Variants in DCC observed in about 807,000 individuals in gnomAD.
DCC encodes the protein netrin receptor DCC.
Under a neutral mutation model 172.5 loss-of-function variants are expected in DCC, and 58 were observed. That is an observed-to-expected ratio of 0.34 (90% confidence interval 0.27 to 0.42). DCC has a LOEUF of 0.42. Among genes scored for constraint, DCC ranks in the 10% least tolerant of loss-of-function variants. DCC has a pLI of 1.00. For synonymous variants in DCC, 709 were observed against 644.5 expected, an observed-to-expected ratio of 1.10 and a Z score of -1.52; for missense variants, 1,740 against 1,791.0, an observed-to-expected ratio of 0.97 and a Z score of 0.51.
chr18:53,061,898 G>A (rs1044539018), intron 5 of DCC, among the ~76,000 whole-genome samples: 8 of 152,044 alleles, frequency 5.3e-5, no homozygotes, highest in African/African-American at 1.9e-4. Context: ...TTTGGCATTG[G>A]GTATTAAATG....
chr18:52,769,265 A>G (rs2145162597), intron 2 of DCC, among the ~76,000 whole-genome samples: 1 of 152,306 alleles, frequency 6.6e-6, no homozygotes, highest in Non-Finnish European at 1.5e-5. Flanking sequence ...ACTTTTGGGC[A>G]TTCTAATTAG....
intron 7 of DCC, among the ~76,000 whole-genome samples, chr18:53,095,188 T>G (rs1372211266): frequency 6.6e-6 from 1 of 152,174 alleles, no homozygotes; most frequent in Non-Finnish European, 1.5e-5. Flanking sequence ...TAATATAAAT[T>G]TATTCCAATT....
chr18:52,501,584 G>T (rs2031022478), intron 1 of DCC, among the ~76,000 whole-genome samples: 2 of 152,166 alleles, frequency 1.3e-5, no homozygotes. Context: ...CTTGGTGATT[G>T]CTGCTGACTT....
chr18:52,548,822 T>C (rs2032686864), intron 1 of DCC, among the ~76,000 whole-genome samples: 1 of 152,122 alleles, frequency 6.6e-6, no homozygotes, highest in South Asian at 2.1e-4. Flanking sequence ...ATTTGATCAG[T>C]ATTACCCAAT....
chr18:52,559,428 A>T (rs2032988257), intron 1 of DCC, among the ~76,000 whole-genome samples: 1 of 152,132 alleles, frequency 6.6e-6, no homozygotes, highest in African/African-American at 2.4e-5. Flanking sequence ...GGTTATTTGA[A>T]ATATATAATT....
intron 1 of DCC, among the ~76,000 whole-genome samples, chr18:52,379,146 T>G (rs1985479502): frequency 6.6e-6 from 1 of 152,220 alleles, no homozygotes; most frequent in Admixed American, 6.5e-5. Flanking sequence ...ATGTTTCTTA[T>G]TCACAGACTC....
chr18:53,014,427 CCCCCCT>C, intron 5 of DCC, among the ~76,000 whole-genome samples: 5 of 10,934 alleles, frequency 4.6e-4, no homozygotes, highest in Non-Finnish European at 1.1e-3. Context: ...TGTTATCCCT[CCCCCCT>C]CCCCCCTCCC....
chr18:53,348,849 G>A (rs1048676113), intron 15 of DCC, among the ~76,000 whole-genome samples: 1 of 152,156 alleles, frequency 6.6e-6, no homozygotes, highest in African/African-American at 2.4e-5. Flanking sequence ...CAGGGACCCT[G>A]GGCCCAGCCC....
chr18:52,766,989 A>G (rs1240016525), intron 2 of DCC, among the ~76,000 whole-genome samples: 1 of 152,002 alleles, frequency 6.6e-6, no homozygotes, highest in Non-Finnish European at 1.5e-5. Context: ...GCAAATAGGA[A>G]GAGAGAATCC....
At chr18:52,606,794 A>T (rs1294746337) in intron 1 of DCC, among the ~76,000 whole-genome samples, 1 of 152,144 alleles carries the variant, frequency 6.6e-6, no homozygotes, top group East Asian at 1.9e-4. Flanking sequence ...TGTGGGGAAG[A>T]GCAAATTAAG....
At chr18:53,333,439 A>G (rs1443478000) in intron 14 of DCC, among the ~76,000 whole-genome samples, 2 of 152,232 alleles carry the variant, frequency 1.3e-5, no homozygotes, top group African/African-American at 4.8e-5. Context: ...ATATTTGTCA[A>G]AAGTTCCAAC....
intron 5 of DCC, among the ~76,000 whole-genome samples, chr18:52,963,500 G>A (rs556245861): frequency 3.3e-5 from 5 of 152,244 alleles, no homozygotes; most frequent in South Asian, 4.1e-4. Flanking sequence ...AGAGGGATGC[G>A]ACTGCCTGAA....
intron 1 of DCC, among the ~76,000 whole-genome samples, chr18:52,626,267 T>TA (rs1236560694): frequency 2.6e-5 from 4 of 152,268 alleles, no homozygotes; most frequent in African/African-American, 7.2e-5. Flanking sequence ...TGGAAAACCA[T>TA]AAAAAACTTT....
intron 3 of DCC, among the ~76,000 whole-genome samples, chr18:52,911,774 T>C (rs17389854): frequency 0.4 from 59,909 of 151,638 alleles, 12,424 homozygotes; most frequent in Non-Finnish European, 0.47. Context: ...TACTGTGTTT[T>C]CTTTTAAAAA....
chr18:53,198,230 G>T (rs1289356601), intron 9 of DCC, among the ~76,000 whole-genome samples: 1 of 152,028 alleles, frequency 6.6e-6, no homozygotes, highest in African/African-American at 2.4e-5. Context: ...AATGGTAGAA[G>T]CTCAGATACA....
At chr18:53,272,656 T>G (rs2056762017) in intron 12 of DCC, among the ~76,000 whole-genome samples, 2 of 152,146 alleles carry the variant, frequency 1.3e-5, no homozygotes, top group Admixed American at 6.6e-5. Flanking sequence ...TTGTTGAGTG[T>G]CTACTCTGGA....
intron 12 of DCC, among the ~76,000 whole-genome samples, chr18:53,265,178 T>A (rs547380591): frequency 6.6e-6 from 1 of 152,314 alleles, no homozygotes; most frequent in East Asian, 1.9e-4. Flanking sequence ...AAATGCTAGC[T>A]AATGAGAACC....
intron 14 of DCC, among the ~76,000 whole-genome samples, chr18:53,332,446 A>T (rs2057539821): frequency 6.6e-6 from 1 of 152,222 alleles, no homozygotes; most frequent in Admixed American, 6.5e-5. Context: ...AATAGCTAAG[A>T]GTACAAACTA....
chr18:53,085,980 CT>C (rs1367563951), intron 7 of DCC, among the ~76,000 whole-genome samples: 1 of 66,810 alleles, frequency 1.5e-5, no homozygotes, highest in Non-Finnish European at 2.8e-5. Context: ...TCTTCTTCTT[CT>C]TCTTCTTCTC....
Sources: allele counts gnomAD v4.1 joint callset (sites outside exome capture counted in the v4.1 genomes callset), GRCh38; gene constraint gnomAD v4.1.1; transcripts MANE v1.5; gene names NCBI Gene and HGNC (gene_info 2026-07-23, HGNC 2026-07-21).